IPO11: variants seen among roughly 807,000 people sequenced by gnomAD.
IPO11 encodes the protein importin 11, also known as importin-11.
Under a neutral mutation model 143.2 loss-of-function variants are expected in IPO11, and 66 were observed. That is an observed-to-expected ratio of 0.46 (90% CI 0.38 to 0.57). The LOEUF is 0.57. Ranked by LOEUF, IPO11 falls within the 20% of genes least tolerant of loss-of-function variation. The pLI, the probability that IPO11 is intolerant of heterozygous loss-of-function variation, is 0.00. For missense variants in IPO11, 1,026 were observed against 1,141.0 expected, an observed-to-expected ratio of 0.90 and a Z score of 1.45; for synonymous variants, 385 against 377.8, an observed-to-expected ratio of 1.02 and a Z score of -0.22.
chr5:62,468,747 G>T (rs966562825), intron 6 of IPO11, among the ~76,000 whole-genome samples: 1 of 152,110 alleles, frequency 6.6e-6, no homozygotes, highest in Non-Finnish European at 1.5e-5. Flanking sequence ...CCTGCCTTAA[G>T]CTTTTTAATA....
intron 27 of IPO11, chr5:62,579,389 CTCT>C: frequency 6.6e-7 from 1 of 1,515,482 alleles, no homozygotes; most frequent in African/African-American, 1.4e-5. Context: ...GCTTTACCTT[CTCT>C]TTTTATAGCC....
chr5:62,573,168 C>A (rs1437382197), intron 27 of IPO11, among the ~76,000 whole-genome samples: 1 of 152,072 alleles, frequency 6.6e-6, no homozygotes, highest in African/African-American at 2.4e-5. Flanking sequence ...CAGGTACCTG[C>A]CACCACGCCC....
chr5:62,429,933 A>G (rs1421040969), intron 1 of IPO11, among the ~76,000 whole-genome samples: 8 of 151,918 alleles, frequency 5.3e-5, no homozygotes, highest in African/African-American at 1.9e-4. Flanking sequence ...TGATTTTTAT[A>G]TTTTTAGTAG....
At chr5:62,590,168 G>A (rs1418268536) in intron 27 of IPO11, among the ~76,000 whole-genome samples, 1 of 152,214 alleles carries the variant, frequency 6.6e-6, no homozygotes, top group Non-Finnish European at 1.5e-5. Flanking sequence ...TTGCTCAGGG[G>A]CTGTTCCAGT....
At chr5:62,561,070 A>T in intron 26 of IPO11, 66 bp from the exon 27 acceptor site, 2 of 1,414,498 alleles carry the variant, frequency 1.4e-6, no homozygotes, top group Non-Finnish European at 1.9e-6. Context: ...TTTAGCCTTT[A>T]AAAGTATTTA....
At chr5:62,437,503 T>A in intron 2 of IPO11, 86 bp downstream of exon 2, 1 of 1,178,454 alleles carries the variant, frequency 8.5e-7, no homozygotes. Context: ...TTATTGGTAG[T>A]TTAGTGAAAT....
intron 29 of IPO11, among the ~76,000 whole-genome samples, chr5:62,617,561 T>G (rs1746187044): frequency 6.6e-6 from 1 of 152,208 alleles, no homozygotes; most frequent in Admixed American, 6.5e-5. Flanking sequence ...TTACACTTTG[T>G]TATGTAGCCA....
chr5:62,531,471 C>T lies in IPO11; in HGVS notation c.2089+686C>T, dbSNP rs1265017286. ...TCAGCCTCCTGAGTAGCTAGGATTA[C>T]AGGTGTGCACCACCACACACAGCTA... is the stretch of plus-strand genomic sequence containing the variant. On this transcript the variant is annotated intron_variant, in intron 22 of 29. Coordinates refer to ENST00000325324, the MANE Select transcript of IPO11 (RefSeq NM_016338.5). 3.3e-5 allele frequency among the ~76,000 whole-genome samples: 5 copies of T among 152,178 alleles called. No homozygotes were observed. The East Asian group carries it at 7.7e-4, about 23-fold the overall frequency.
chr5:62,526,538 TACTG>T, intron 21 of IPO11: 1 of 255,244 alleles, frequency 3.9e-6, no homozygotes, highest in East Asian at 9.7e-5. Flanking sequence ...TCCAAAAAGT[TACTG>T]ACTTACAATT....
At chr5:62,600,959 A>T (rs955025517) in intron 28 of IPO11, among the ~76,000 whole-genome samples, 6 of 152,240 alleles carry the variant, frequency 3.9e-5, no homozygotes. Flanking sequence ...CTGTATTAAA[A>T]GCTGTTTACA....
At chr5:62,440,202 T>C (rs1484648614) in intron 2 of IPO11, among the ~76,000 whole-genome samples, 1 of 152,146 alleles carries the variant, frequency 6.6e-6, no homozygotes, top group Non-Finnish European at 1.5e-5. Context: ...GCATGTTTTG[T>C]AATGGAGACC....
At chr5:62,567,012 G>C (rs1335072326) in intron 27 of IPO11, among the ~76,000 whole-genome samples, 1 of 151,936 alleles carries the variant, frequency 6.6e-6, no homozygotes, top group Non-Finnish European at 1.5e-5. Context: ...ACCTTTACCA[G>C]GGAATTTTAT....
chr5:62,552,998 A>G (rs756789703), intron 26 of IPO11, among the ~76,000 whole-genome samples: 2 of 152,180 alleles, frequency 1.3e-5, no homozygotes, highest in Non-Finnish European at 2.9e-5. Context: ...TTGAAACTAT[A>G]TATTACTGTT....
chr5:62,523,903 A>AT (rs989037649), intron 20 of IPO11, among the ~76,000 whole-genome samples: 4 of 150,108 alleles, frequency 2.7e-5, no homozygotes, highest in South Asian at 2.1e-4. Context: ...GGAGGATGCT[A>AT]TTTTTTTTTA....
At chr5:62,436,047 A>G (rs1415695507) in intron 1 of IPO11, among the ~76,000 whole-genome samples, 1 of 152,000 alleles carries the variant, frequency 6.6e-6, no homozygotes, top group Non-Finnish European at 1.5e-5. Flanking sequence ...ATCAAATCAA[A>G]TCTTAATCCA....
intron 1 of IPO11, among the ~76,000 whole-genome samples, chr5:62,428,510 A>G (rs2112111009): frequency 6.6e-6 from 1 of 151,884 alleles, no homozygotes; most frequent in Admixed American, 6.6e-5. Context: ...CACCTGGCTA[A>G]TTTTTGTATT....
intron 1 of IPO11, among the ~76,000 whole-genome samples, chr5:62,432,096 A>G (rs1334286765): frequency 2.0e-5 from 3 of 152,216 alleles, no homozygotes; most frequent in East Asian, 3.9e-4. Flanking sequence ...GAGCTGGGCT[A>G]TTTTCCCATT....
rs560759856 is a variant in IPO11 at position 62,496,353 on chromosome 5, A to T, written c.1590+2229A>T. ...ACTAGCCCACATGACTAATACATTA[A>T]TATTCATAGAATATACTTTGAGGAA... On this transcript the variant is annotated intron_variant, in intron 16 of 29. Transcript: ENST00000325324. 5.3e-3 allele frequency among the ~76,000 whole-genome samples: 806 copies of T among 152,258 alleles called. 5 individuals carry two copies. Among genetic ancestry groups the T allele is most frequent in the Non-Finnish European group, 7.2e-3 (490 of 68,022 alleles).
At chr5:62,618,788 GTAGTCCCACC>G (rs1381160606) in intron 29 of IPO11, among the ~76,000 whole-genome samples, 5 of 152,196 alleles carry the variant, frequency 3.3e-5, no homozygotes, top group African/African-American at 4.8e-5. Flanking sequence ...GTGGGCGCCT[GTAGTCCCACC>G]TAGTCGGGAG....
Sources: allele counts gnomAD v4.1 joint callset (sites outside exome capture counted in the v4.1 genomes callset), GRCh38; gene constraint gnomAD v4.1.1; transcripts MANE v1.5; gene names NCBI Gene and HGNC (gene_info 2026-07-23, HGNC 2026-07-21).